The following ZFP82 variants were observed in gnomAD, a reference collection of about 807,000 sequenced individuals.
ZFP82 encodes zinc finger protein 82 homolog.
Under a neutral mutation model 54.0 loss-of-function variants are expected in ZFP82, and 30 were observed. The ratio of observed to expected loss-of-function variants is 0.56; its 90% CI spans 0.42 to 0.75. The LOEUF is 0.75. ZFP82 is among the 30% of genes least tolerant of loss of function. The pLI is 0.00. For synonymous variants in ZFP82, 194 were observed against 209.5 expected (o/e 0.93, Z 0.64); for missense variants, 500 against 636.8 (o/e 0.79, Z 2.31).
In ZFP82 at chr19:36,393,284, T is replaced by G; in HGVS notation, c.1056A>C (p.Gln352His). Residue 352 changes from glutamine (Q) to histidine (H), a missense_variant, in exon 5 of 5, where the codon CAA (glutamine) becomes CAC (histidine). Gln to His is a conservative substitution (Grantham distance 24). Transcript: ENST00000392161. Reference sequence around the variant, plus strand: ...TATGAATTCTCTGATGGAGTGTTAGTTGTTGTCGCACTCTAAAGGCCTTCC... The same window carrying G: ...TATGAATTCTCTGATGGAGTGTTAGGTGTTGTCGCACTCTAAAGGCCTTCC... ...ECGKAFRVRQ[Q>H]LTLHQRIHTG... The G allele has an allele frequency of 5.0e-6, 8 of 1,613,416 alleles. No homozygotes were observed. The highest frequency in any genetic ancestry group is 5.9e-6 in the Non-Finnish European group (7 of 1,179,808).
In ZFP82 at chr19:36,389,717, T is replaced by C. The variant is rs2032162716; in HGVS notation, c.*3024A>G. On this transcript the variant is annotated 3_prime_UTR_variant, in exon 5 of 5. Coordinates refer to ENST00000392161, the MANE Select transcript of ZFP82 (RefSeq NM_133466.4). ...TTATTCCTTCAAATCTTGTATTGAC[T>C]ATGTTTTCTTTATTTTCTGTATTCC... Among the ~76,000 whole-genome samples, 1 of 152,248 alleles carries C rather than the reference T, an allele frequency of 6.6e-6. No homozygotes were observed. The highest frequency in any genetic ancestry group is 2.4e-5 in the African/African-American group (1 of 41,468).
Position 36,393,218 on chromosome 19 carries a change from G to A in ZFP82, c.1122C>T (p.Thr374=). The A allele has an allele frequency of 6.2e-7, 1 of 1,613,922 alleles. No homozygotes were observed. The highest frequency in any genetic ancestry group is 8.5e-7 in the Non-Finnish European group (1 of 1,179,994). Residue 374 remains threonine, a synonymous_variant, in exon 5 of 5, where the codon ACC becomes ACT. Transcript: ENST00000392161. ...GAATAAGATGATAACCACGGCTAAA[G>A]GTCTTTCCACATTCCTTACATTCAT... ...KPYECKECGK[T]FSRGYHLILH...
intron 4 of ZFP82, among the ~76,000 whole-genome samples, chr19:36,400,902 T>C (rs2385804): frequency 0.68 from 103,229 of 151,932 alleles, 35,366 homozygotes; most frequent in African/African-American, 0.76. Context: ...TCACTCCACT[T>C]GGGCTTTCAT....
intron 4 of ZFP82, chr19:36,395,726 T>C (rs1354284972): frequency 6.7e-6 from 1 of 149,098 alleles, no homozygotes; most frequent in South Asian, 2.1e-4. Context: ...AACTAGGAGT[T>C]AGCAAAAAAA....
chr19:36,418,448 C>G (rs1044225826), intron 1 of ZFP82, 44 bp downstream of exon 1: 1 of 152,268 alleles, frequency 6.6e-6, no homozygotes, highest in South Asian at 2.1e-4. Flanking sequence ...GGGCCTGAGG[C>G]GCGGGCTCCC....
In ZFP82 at chr19:36,392,791, G is replaced by A; in HGVS notation, c.1549C>T (p.Gln517Ter). ...AGATGATGAGTAAGGTGTGAATGTTGCCTAAAGGCCTTCTTACATTCCTTA... is the reference window on the plus strand; with the variant it reads ...AGATGATGAGTAAGGTGTGAATGTTACCTAAAGGCCTTCTTACATTCCTTA... ...ECKECKKAFR[Q>*]HSHLTHHLKI... The change falls in exon 5 of 5, where the codon CAA (glutamine) becomes TAA (stop). Residue 517 changes from glutamine (Q) to a stop codon, truncating the protein, a stop_gained. Coordinates refer to ENST00000392161, the MANE Select transcript of ZFP82 (RefSeq NM_133466.4). LOFTEE classifies it high-confidence loss of function. 6.2e-7 allele frequency: 1 copy of A among 1,602,530 alleles called. No homozygotes were observed. Among genetic ancestry groups the A allele is most frequent in the Non-Finnish European group, 8.5e-7 (1 of 1,176,238 alleles).
chr19:36,405,339 T>A (rs1446666977), intron 4 of ZFP82, among the ~76,000 whole-genome samples: 1 of 150,614 alleles, frequency 6.6e-6, no homozygotes, highest in East Asian at 2.0e-4. Context: ...AAAAGAAGAG[T>A]GGTAAATGGG....
chr19:36,401,652 A>C (rs1484956883), intron 4 of ZFP82, among the ~76,000 whole-genome samples: 1 of 152,160 alleles, frequency 6.6e-6, no homozygotes, highest in Non-Finnish European at 1.5e-5. Context: ...CTGCTTTTGC[A>C]CTCAACCGGA....
At chr19:36,416,973 T>TGAGGTATAAGAATCGCCTGAACCACGGA (rs2032682185) in intron 1 of ZFP82, among the ~76,000 whole-genome samples, 1 of 142,680 alleles carries the variant, frequency 7.0e-6, no homozygotes. Flanking sequence ...CTTGGGAGGC[T>TGAGGTATAAGAATCGCCTGAACCACGGA]GAGGTATAAG....
intron 4 of ZFP82, among the ~76,000 whole-genome samples, chr19:36,400,991 C>G (rs764529345): frequency 7.2e-5 from 11 of 152,064 alleles, no homozygotes; most frequent in Non-Finnish European, 1.6e-4. Flanking sequence ...AATTCTCAGT[C>G]CTCATTCTCT....
chr19:36,410,126 C>T (rs2032552667), intron 1 of ZFP82, among the ~76,000 whole-genome samples: 1 of 152,068 alleles, frequency 6.6e-6, no homozygotes, highest in Admixed American at 6.6e-5. Context: ...GTTTCATAGG[C>T]CTGTTTAGAT....
chr19:36,404,691 T>C (rs2032449643), intron 4 of ZFP82, among the ~76,000 whole-genome samples: 1 of 152,262 alleles, frequency 6.6e-6, no homozygotes, highest in Non-Finnish European at 1.5e-5. Context: ...GCCTGTTGAA[T>C]ATGTATACTT....
chr19:36,399,310 C>T (rs1431247972), intron 4 of ZFP82, among the ~76,000 whole-genome samples: 1 of 152,164 alleles, frequency 6.6e-6, no homozygotes, highest in Non-Finnish European at 1.5e-5. Flanking sequence ...GCTAAGGGTG[C>T]CCCACCAAGG....
intron 1 of ZFP82, among the ~76,000 whole-genome samples, chr19:36,416,744 G>A (rs1446812211): frequency 9.0e-6 from 1 of 111,242 alleles, no homozygotes; most frequent in Non-Finnish European, 1.8e-5. Flanking sequence ...AAATAAGAGC[G>A]AAACTCCGTC....
At position 36,393,313 on chromosome 19, in the gene ZFP82, A is replaced by G. The variant is rs1262337043; in HGVS notation, c.1027T>C (p.Cys343Arg). 4 of 1,614,068 alleles carry G rather than the reference A, an allele frequency of 2.5e-6. No individual in the cohort carries two copies. Among genetic ancestry groups the G allele is most frequent in the Non-Finnish European group, 1.7e-6 (2 of 1,180,016 alleles). The change falls in exon 5 of 5, where the codon TGC becomes CGC. Residue 343 changes from cysteine (C) to arginine (R), a missense_variant. Transcript: ENST00000392161. ...TGEKPYECKE[C>R]GKAFRVRQQL... ...TGTCGCACTCTAAAGGCCTTCCCGC[A>G]TTCCTTACATTCATAGGGTTTCTCA... is the stretch of plus-strand genomic sequence containing the variant.
At chr19:36,413,953 T>G (rs1184413759) in intron 1 of ZFP82, among the ~76,000 whole-genome samples, 1 of 149,392 alleles carries the variant, frequency 6.7e-6, no homozygotes, top group Admixed American at 6.8e-5. Flanking sequence ...CAGGCTGGAG[T>G]GCAGTGGCAA....
At chr19:36,414,046 G>A (rs569264480) in intron 1 of ZFP82, among the ~76,000 whole-genome samples, 5 of 151,690 alleles carry the variant, frequency 3.3e-5, no homozygotes, top group Non-Finnish European at 7.4e-5. Flanking sequence ...GACTACAGGT[G>A]CCCGCCACCA....
intron 1 of ZFP82, among the ~76,000 whole-genome samples, 167 bp downstream of exon 1, chr19:36,418,325 A>C (rs959494999): frequency 6.6e-6 from 1 of 151,158 alleles, no homozygotes; most frequent in African/African-American, 2.4e-5. Flanking sequence ...TCAGTCACGC[A>C]CTCCACGGCC....
chr19:36,394,493 ATACT>A (rs936589888), intron 4 of ZFP82: 27 of 172,274 alleles, frequency 1.6e-4, no homozygotes, highest in East Asian at 3.5e-4. Flanking sequence ...TCGAGAATCT[ATACT>A]TAAATTTTTT....
Sources: gnomAD v4.1 joint callset for allele counts (sites outside exome capture counted in the v4.1 genomes callset) on GRCh38, gnomAD v4.1.1 for gene constraint, MANE v1.5 for transcripts, NCBI Gene and HGNC (gene_info 2026-07-23, HGNC 2026-07-21) for gene names.